ZNF676: variants seen among roughly 807,000 people sequenced by gnomAD.
The protein encoded by ZNF676 is zinc finger protein 676.
Under a neutral mutation model 6.0 loss-of-function variants are expected in ZNF676, and 4 were observed. The observed-to-expected ratio is 0.67, with a 90% CI of 0.33 to 1.53. ZNF676 has a LOEUF of 1.53. Ranked by LOEUF, ZNF676 falls within the 40% of genes most tolerant of loss-of-function variation. The pLI is 0.06. For synonymous variants in ZNF676, 198 were observed against 223.1 expected, an observed-to-expected ratio of 0.89 and a Z score of 1.00; for missense variants, 644 against 679.7, an observed-to-expected ratio of 0.95 and a Z score of 0.58.
chr19:22,234,505 G>A, the ZNF676 span, among the ~76,000 whole-genome samples: 164 of 152,318 alleles, frequency 1.1e-3, no homozygotes, highest in African/African-American at 3.9e-3. Flanking sequence ...GTTCATGATA[G>A]GCAGTTCAGG....
At chr19:22,195,435 AACTT>A (rs1201623476) in intron 1 of ZNF676, among the ~76,000 whole-genome samples, 1 of 152,130 alleles carries the variant, frequency 6.6e-6, no homozygotes, top group African/African-American at 2.4e-5. Context: ...CTTCTAACTC[AACTT>A]ACTTATCGTG....
At chr19:22,203,099 T>A (rs3855858) in intron 1 of ZNF676, 66,055 of 157,444 alleles carry the variant, frequency 0.42, 15,013 homozygotes, top group African/African-American at 0.59. Context: ...GTGAACCCCA[T>A]TTGCCACAGC....
chr19:22,181,215 A>G lies in ZNF676; in HGVS notation c.502T>C (p.Ser168Pro), dbSNP rs1181132819. 6 of 1,613,878 alleles carry G rather than the reference A, an allele frequency of 3.7e-6. No homozygotes were observed. The highest frequency in any genetic ancestry group is 5.1e-6 in the Non-Finnish European group (6 of 1,179,882). Residue 168 changes from serine (S) to proline (P), a missense_variant, in exon 3 of 3, where the codon TCC becomes CCC. By Grantham distance (74) the Ser-to-Pro change is moderately conservative. Transcript: ENST00000397121. ...QHERIYTREN[S>P]YKCEENGKAF... ...TTGCCATTTTCTTCACATTTGTAGGAATTCTCTCTAGTATAAATTCTTTCA... is the reference window on the plus strand; with the variant it reads ...TTGCCATTTTCTTCACATTTGTAGGGATTCTCTCTAGTATAAATTCTTTCA...
At chr19:22,184,965 T>C (rs1335451446) in intron 2 of ZNF676, among the ~76,000 whole-genome samples, 3 of 152,036 alleles carry the variant, frequency 2.0e-5, no homozygotes, top group Admixed American at 6.6e-5. Context: ...ACATCCCTGC[T>C]GGACAACTCT....
intron 1 of ZNF676, among the ~76,000 whole-genome samples, chr19:22,204,181 A>G (rs1411170418): frequency 2.0e-5 from 3 of 152,190 alleles, no homozygotes; most frequent in Admixed American, 6.6e-5. Flanking sequence ...ATGCCTACCT[A>G]TAATTTTTCC....
chr19:22,181,640 C>T, intron 2 of ZNF676, 54 bp from the exon 3 acceptor site: 2 of 1,357,860 alleles, frequency 1.5e-6, no homozygotes, highest in Non-Finnish European at 2.0e-6. Context: ...CAGATAAGTA[C>T]AGTTTCCAAA....
the ZNF676 span, among the ~76,000 whole-genome samples, chr19:22,230,547 AAAATG>A: frequency 6.6e-6 from 1 of 151,968 alleles, no homozygotes; most frequent in Non-Finnish European, 1.5e-5. Flanking sequence ...TATTGAAAAT[AAAATG>A]ACTCAAGAAA....
chr19:22,256,389 C>G, the ZNF676 span, among the ~76,000 whole-genome samples: 1 of 152,046 alleles, frequency 6.6e-6, no homozygotes, highest in Non-Finnish European at 1.5e-5. Context: ...GTACAATATT[C>G]CCTGATAGAA....
chr19:22,201,921 T>C (rs2024030036), upstream of ZNF676, among the ~76,000 whole-genome samples: 1 of 152,124 alleles, frequency 6.6e-6, no homozygotes, highest in Admixed American at 6.6e-5. Context: ...GTGGCAATAG[T>C]GAACAGTTTC....
At chr19:22,245,908 C>T in the ZNF676 span, among the ~76,000 whole-genome samples, 1 of 152,042 alleles carries the variant, frequency 6.6e-6, no homozygotes, top group Non-Finnish European at 1.5e-5. Context: ...AGAACCCAGA[C>T]AGAAAAGAAG....
chr19:22,215,705 G>A (rs954741711), exon 1 of ZNF676: 19 of 1,577,642 alleles, frequency 1.2e-5, no homozygotes, highest in African/African-American at 4.0e-5. Context: ...TAGGGCCACA[G>A]AGGCTGGGAC....
At chr19:22,223,064 C>T in the ZNF676 span, among the ~76,000 whole-genome samples, 4 of 152,200 alleles carry the variant, frequency 2.6e-5, no homozygotes, top group African/African-American at 7.2e-5. Flanking sequence ...GGGTGTCTTC[C>T]TCCAGGCCTC....
chr19:22,201,207 C>A (rs545370371), upstream of ZNF676, among the ~76,000 whole-genome samples: 10 of 152,292 alleles, frequency 6.6e-5, 1 homozygote, highest in South Asian at 1.9e-3. Flanking sequence ...TGGTGTGGCT[C>A]TGGATACTTT....
chr19:22,182,028 T>C (rs1436592043), intron 2 of ZNF676, among the ~76,000 whole-genome samples: 1 of 152,014 alleles, frequency 6.6e-6, no homozygotes, highest in African/African-American at 2.4e-5. Context: ...TCTCATGACA[T>C]AAAGTGCTGA....
At chr19:22,181,709 G>A in intron 2 of ZNF676, 123 bp from the exon 3 acceptor site, 1 of 676,222 alleles carries the variant, frequency 1.5e-6, no homozygotes, top group Non-Finnish European at 2.3e-6. Flanking sequence ...TATGACACAG[G>A]CCCTAATTCT....
chr19:22,234,117 A>G, the ZNF676 span, among the ~76,000 whole-genome samples: 1 of 152,198 alleles, frequency 6.6e-6, no homozygotes, highest in Admixed American at 6.5e-5. Context: ...ACTGCTCAAA[A>G]TTCTGCCCAC....
At chr19:22,184,931 G>A (rs2023814432) in intron 2 of ZNF676, among the ~76,000 whole-genome samples, 1 of 151,770 alleles carries the variant, frequency 6.6e-6, no homozygotes, top group South Asian at 2.1e-4. Context: ...GGGACAGCTG[G>A]GAGCACAGCT....
At chr19:22,254,369 A>G in the ZNF676 span, among the ~76,000 whole-genome samples, 14 of 152,246 alleles carry the variant, frequency 9.2e-5, no homozygotes, top group South Asian at 2.9e-3. Flanking sequence ...GCAAAAGAAG[A>G]GAGTCACATC....
At chr19:22,252,908 G>T in the ZNF676 span, among the ~76,000 whole-genome samples, 1 of 152,316 alleles carries the variant, frequency 6.6e-6, no homozygotes, top group African/African-American at 2.4e-5. Context: ...ATATGTCACA[G>T]TCACAGCTAC....
Sources: gnomAD v4.1 joint callset for allele counts (sites outside exome capture counted in the v4.1 genomes callset) on GRCh38, gnomAD v4.1.1 for gene constraint, MANE v1.5 for transcripts, NCBI Gene and HGNC (gene_info 2026-07-23, HGNC 2026-07-21) for gene names.